The following SBNO1 variants were observed in gnomAD, a reference collection of about 807,000 sequenced individuals.
The protein encoded by SBNO1 is protein strawberry notch homolog 1.
Under a neutral mutation model 173.6 loss-of-function variants are expected in SBNO1, and 23 were observed. That is an observed-to-expected ratio of 0.13 (90% CI 0.10 to 0.19). SBNO1 has a LOEUF of 0.19. Among genes scored for constraint, SBNO1 ranks in the 10% least tolerant of loss-of-function variants. SBNO1 has a pLI of 1.00. For synonymous variants in SBNO1, 632 were observed against 571.5 expected (o/e 1.11, Z -1.51); for missense variants, 1,238 against 1,671.2 (o/e 0.74, Z 4.52).
chr12:123,353,049 C>G (rs935606110), intron 1 of SBNO1, among the ~76,000 whole-genome samples: 1 of 152,126 alleles, frequency 6.6e-6, no homozygotes, highest in African/African-American at 2.4e-5. Flanking sequence ...CCGTCCGCCT[C>G]GGCTTCCCAA....
rs955758490 is a variant in SBNO1, at chr12:123,322,885, A to G, written c.2125+795T>C. Among the ~76,000 whole-genome samples the G allele has an allele frequency of 1.3e-4, 18 of 137,992 alleles. 1 individual carries two copies. The highest frequency in any genetic ancestry group is 2.7e-4 in the Non-Finnish European group (17 of 63,082). The allele number at this position is 137,992 out of a possible 152,430, so 90.5% of individuals were successfully genotyped here. Reference sequence around the variant, plus strand: ...ACGGAGACGGAGACCCTGTCTCAAAAAAAAAAAAGAAAAAAAAAGAAAAGG... The same window carrying G: ...ACGGAGACGGAGACCCTGTCTCAAAGAAAAAAAAGAAAAAAAAAGAAAAGG... On this transcript the variant is annotated intron_variant, in intron 16 of 31. Transcript: ENST00000602398.
chr12:123,350,267 A>C, intron 2 of SBNO1, 43 bp downstream of exon 2: 1 of 1,607,818 alleles, frequency 6.2e-7, no homozygotes, highest in South Asian at 1.1e-5. Context: ...AAAATACTGT[A>C]AGCGGAAATC....
intron 20 of SBNO1, among the ~76,000 whole-genome samples, chr12:123,317,791 A>C (rs1869461668): frequency 6.6e-6 from 1 of 152,208 alleles, no homozygotes; most frequent in South Asian, 2.1e-4. Flanking sequence ...GAAATAATCT[A>C]TCTTATTGAA....
chr12:123,348,085 C>T lies in SBNO1; in HGVS notation c.181G>A (p.Val61Ile), dbSNP rs1873425604. ...GTCTCTGGTTCTTGTTTAACAGGAA[C>T]TGCTGCTTCGGTCTCCAAACCTAGT... ...LELGLETEAA[V>I]PVKQEPETVP... Residue 61 changes from valine to isoleucine, a missense_variant, in exon 3 of 32, where the codon GTT becomes ATT. Val to Ile is a conservative substitution (Grantham distance 29, BLOSUM62 3). Transcript: ENST00000602398. The T allele has an allele frequency of 1.2e-6, 2 of 1,612,170 alleles. No individual in the cohort carries two copies. Among genetic ancestry groups the T allele is most frequent in the Non-Finnish European group, 1.7e-6 (2 of 1,178,494 alleles).
intron 15 of SBNO1, 99 bp from the exon 16 acceptor site, chr12:123,323,930 CA>C: frequency 2.3e-6 from 2 of 886,690 alleles, no homozygotes; most frequent in Non-Finnish European, 3.1e-6. Flanking sequence ...TTCAGTTTTA[CA>C]AAATACTGAT....
intron 3 of SBNO1, among the ~76,000 whole-genome samples, chr12:123,345,970 AAT>A (rs1311191788): frequency 3.9e-5 from 6 of 152,178 alleles, no homozygotes; most frequent in African/African-American, 1.4e-4. Context: ...GCCTTGCCTA[AAT>A]ATTAGTACTT....
intron 24 of SBNO1, among the ~76,000 whole-genome samples, chr12:123,311,803 T>TA (rs1051367781): frequency 6.6e-6 from 1 of 151,264 alleles, no homozygotes; most frequent in African/African-American, 2.4e-5. Flanking sequence ...TGGCATCATC[T>TA]TGGTTCACTG....
rs540781435 is a variant in SBNO1 at position 123,350,058 on chromosome 12, A to C, written c.132+252T>G. Among the ~76,000 whole-genome samples the C allele has an allele frequency of 2.0e-5, 3 of 152,334 alleles. No homozygotes were observed. In the East Asian group the frequency reaches 5.8e-4, roughly 29 times the overall value. On this transcript the variant is annotated intron_variant, in intron 2 of 31. Transcript: ENST00000602398. The stretch of plus-strand genomic sequence containing the variant: ...CGCTTGAGCTCAGGAGTTCAAGACC[A>C]GCCTGGGCAACATGGCAAACCCTGT...
At chr12:123,347,392 A>G (rs1281532178) in intron 3 of SBNO1, among the ~76,000 whole-genome samples, 9 of 151,304 alleles carry the variant, frequency 5.9e-5, no homozygotes, top group Admixed American at 5.9e-4. Context: ...ACACCCGGCT[A>G]ATTTTTTGTA....
At chr12:123,296,170 A>C in intron 31 of SBNO1, 120 bp from the exon 32 acceptor site, 1 of 627,906 alleles carries the variant, frequency 1.6e-6, no homozygotes. Flanking sequence ...TTCACACAAA[A>C]ATTAAACGAC....
Position 123,289,888 on chromosome 12 carries a change from TCA to T in SBNO1, c.*6018_*6019del, listed in dbSNP as rs954505887. 10 of 152,330 alleles carry T rather than the reference TCA, an allele frequency of 6.6e-5. No homozygotes were observed. The highest frequency in any genetic ancestry group is 5.9e-4 in the Admixed American group (9 of 15,296). The allele number at this position is 152,330 out of a possible 1,614,324, so 9.4% of individuals were successfully genotyped here. ...AAATACTGTCACAGCAAAAAGGCCT[TCA>T]GTGTCTGCTGGCCAGAAACATCTGC... On this transcript the variant is annotated 3_prime_UTR_variant, in exon 32 of 32. Transcript: ENST00000602398.
intron 1 of SBNO1, among the ~76,000 whole-genome samples, chr12:123,353,249 C>T (rs1874084527): frequency 1.3e-5 from 2 of 152,126 alleles, no homozygotes; most frequent in African/African-American, 4.8e-5. Context: ...CCCAAAACAA[C>T]CCTGAGTGAG....
At position 123,309,044 on chromosome 12, in the gene SBNO1, T is replaced by C. The variant is rs576507280; in HGVS notation, c.3630+266A>G. 1.5e-3 allele frequency among the ~76,000 whole-genome samples: 223 copies of C among 151,952 alleles called. 6 individuals carry two copies. The highest frequency in any genetic ancestry group is 1.6e-4 in the Non-Finnish European group (11 of 67,950). ...GAGATCGTGCCATTGCACTCCAGCC[T>C]GGGCAACAAAGAGCGAAACTCTGTC... On this transcript the variant is annotated intron_variant, in intron 28 of 31. Transcript: ENST00000602398.
intron 28 of SBNO1, among the ~76,000 whole-genome samples, chr12:123,307,918 G>A (rs117741953): frequency 0.048 from 7,262 of 152,014 alleles, 306 homozygotes; most frequent in East Asian, 0.25. Context: ...CTAAAAATAA[G>A]AAATTTAGCC....
chr12:123,318,949 A>T (rs1186117658), intron 20 of SBNO1, among the ~76,000 whole-genome samples: 1 of 151,818 alleles, frequency 6.6e-6, no homozygotes, highest in African/African-American at 2.4e-5. Flanking sequence ...TCACAACACC[A>T]AGATGAACTA....
At chr12:123,336,726 C>T (rs185909679) in intron 5 of SBNO1, among the ~76,000 whole-genome samples, 10 of 152,306 alleles carry the variant, frequency 6.6e-5, no homozygotes, top group Non-Finnish European at 1.0e-4. Flanking sequence ...TCACAAGACT[C>T]CACGTCCTTC....
rs943515919 is a variant in SBNO1 at position 123,328,886 on chromosome 12, C to T, written c.1144G>A (p.Gly382Arg). The change falls in exon 10 of 32, where the codon GGA becomes AGA. Residue 382 changes from glycine (G) to arginine (R), a missense_variant. Physicochemically the swap from Gly to Arg is moderately radical, Grantham distance 125. Transcript: ENST00000602398. ...CCATTATGTTTGGAAGAAATTTTTC[C>T]GTATTTAAACTAAAAAAGAAAAGAA... Reference protein sequence around the residue: ...LVHSLNKFKYGKISSKHNGSV... With the variant: ...LVHSLNKFKYRKISSKHNGSV... The T allele has an allele frequency of 3.3e-6, 5 of 1,527,632 alleles. No individual in the cohort carries two copies. The highest frequency in any genetic ancestry group is 2.3e-5 in the East Asian group (1 of 43,844). The allele number at this position is 1,527,632 out of a possible 1,614,324, so 94.6% of individuals were successfully genotyped here. A position where few individuals can be genotyped will look rare whatever the true frequency, so the allele number is the denominator to read the frequency against.
chr12:123,310,522 G>T (rs553402600), intron 25 of SBNO1, among the ~76,000 whole-genome samples: 1 of 151,314 alleles, frequency 6.6e-6, no homozygotes, highest in African/African-American at 2.4e-5. Context: ...GTGAGCCACC[G>T]CGCCCGACCA....
chr12:123,328,385 T>C (rs753921724), intron 10 of SBNO1, among the ~76,000 whole-genome samples: 11 of 152,240 alleles, frequency 7.2e-5, no homozygotes, highest in Non-Finnish European at 1.2e-4. Context: ...AGTTAAAAGA[T>C]ATACTGTGAA....
Sources: allele counts gnomAD v4.1 joint callset (sites outside exome capture counted in the v4.1 genomes callset), GRCh38; gene constraint gnomAD v4.1.1; transcripts MANE v1.5; gene names NCBI Gene and HGNC (gene_info 2026-07-23, HGNC 2026-07-21).